WDR33: variants seen among roughly 807,000 people sequenced by gnomAD.
WDR33 encodes the protein pre-mRNA 3' end processing protein WDR33.
In WDR33, 47 loss-of-function variants were observed where a neutral mutation model predicts 164.9. The ratio of observed to expected loss-of-function variants is 0.29; its 90% CI spans 0.23 to 0.36. The LOEUF (loss-of-function observed/expected upper bound fraction) is 0.36. WDR33 is among the 10% of genes least tolerant of loss of function. The pLI, the probability that WDR33 is intolerant of heterozygous loss-of-function variation, is 1.00. For missense variants in WDR33, 1,137 were observed against 1,754.1 expected (o/e 0.65, Z 6.28); for synonymous variants, 505 against 589.0 (o/e 0.86, Z 2.06).
intron 7 of WDR33, among the ~76,000 whole-genome samples, chr2:127,730,942 GA>G (rs58519080): frequency 0.18 from 25,518 of 144,560 alleles, 2,339 homozygotes; most frequent in South Asian, 0.28. Context: ...TAATATGAAG[GA>G]AAAAAAAAAC....
At chr2:127,727,594 G>A (rs775256870) in intron 7 of WDR33, among the ~76,000 whole-genome samples, 6 of 151,966 alleles carry the variant, frequency 3.9e-5, no homozygotes, top group Admixed American at 6.6e-5. Flanking sequence ...GGTTACTTCA[G>A]TAACCACCGT....
At chr2:127,777,092 G>T (rs1256981689) in intron 1 of WDR33, among the ~76,000 whole-genome samples, 1 of 152,184 alleles carries the variant, frequency 6.6e-6, no homozygotes, top group African/African-American at 2.4e-5. Flanking sequence ...GTAGAGAAAA[G>T]ACAAATAATT....
At chr2:127,790,050 T>C (rs28847930) in intron 1 of WDR33, among the ~76,000 whole-genome samples, 21 of 152,204 alleles carry the variant, frequency 1.4e-4, no homozygotes, top group Non-Finnish European at 2.5e-4. Context: ...TTGCCCTGGC[T>C]GGTCTCCATC....
chr2:127,713,611 G>A lies in WDR33; in HGVS notation c.3280C>T (p.Pro1094Ser), dbSNP rs201256336. The change falls in exon 18 of 22, where the codon CCA (proline) becomes TCA (serine). Residue 1094 changes from proline to serine, a missense_variant. This residue lies in a region of WDR33 where 867 missense variants were observed against 1,073.0 expected (regional missense o/e 0.81). Coordinates refer to ENST00000322313, the MANE Select transcript of WDR33 (RefSeq NM_018383.5). The surrounding 1 kb of genome is among the most constrained non-coding windows in gnomAD (Gnocchi z 6.2). ...DERFPRDPED[P>S]RFRGRREESF... ...TCTTCTCTGCGCCCTCGAAAACGTG[G>A]GTCCTCGGGATCCCGGGGGAAACGT... The A allele has an allele frequency of 1.9e-5, 30 of 1,614,134 alleles. No individual in the cohort carries two copies. The highest frequency in any genetic ancestry group is 2.5e-5 in the Non-Finnish European group (30 of 1,180,056).
intron 1 of WDR33, among the ~76,000 whole-genome samples, chr2:127,787,188 C>T (rs1462584693): frequency 3.2e-5 from 3 of 94,958 alleles, no homozygotes; most frequent in Non-Finnish European, 6.1e-5. Flanking sequence ...GGTCACAGAT[C>T]AACAGGATCC....
chr2:127,786,410 C>T lies in WDR33; in HGVS notation c.-23-15406G>A, dbSNP rs931201970. On this transcript the variant is annotated intron_variant, in intron 1 of 21. Transcript: ENST00000322313. ...AGAAATACAATATTTTGGCAGGACA[C>T]GGTGGCTCACGCCTGTATTCTCAAC... Among the ~76,000 whole-genome samples, 5 of 152,198 alleles carry T rather than the reference C, an allele frequency of 3.3e-5. No individual in the cohort carries two copies. In the East Asian group the frequency reaches 5.8e-4, roughly 18 times the overall value.
chr2:127,737,797 T>C, intron 7 of WDR33: 1 of 1,312,580 alleles, frequency 7.6e-7, no homozygotes, highest in Non-Finnish European at 9.7e-7. Flanking sequence ...CACTTTCAGT[T>C]GGCCAGATTA....
rs1013428883 is a variant in WDR33, at chr2:127,701,493, C to G, written c.*4830G>C. The stretch of plus-strand genomic sequence containing the variant: ...GCTTCAGCGGAGGGCCGGAAGTGAG[C>G]CGCAGCTTTTCCTTTCTGCCACCGC... On this transcript the variant is annotated 3_prime_UTR_variant, in exon 22 of 22. Coordinates refer to ENST00000322313, the MANE Select transcript of WDR33 (RefSeq NM_018383.5). 4.7e-6 allele frequency: 6 copies of G among 1,273,434 alleles called. No individual in the cohort carries two copies. The South Asian group carries it at 1.6e-4, about 35-fold the overall frequency. 78.9% of individuals were successfully genotyped at this position (1,273,434 alleles called of 1,614,324 possible). A position where few individuals can be genotyped will look rare whatever the true frequency, so the allele number is the denominator to read the frequency against.
At position 127,719,767 on chromosome 2, in the gene WDR33, G is replaced by C. The variant is rs200450776; in HGVS notation, c.2258C>G (p.Pro753Arg). Residue 753 changes from proline to arginine, a missense_variant, in exon 16 of 22, where the codon CCT becomes CGT. Physicochemically the swap from Pro to Arg is moderately radical, Grantham distance 103. This residue lies in a region of WDR33 where 867 missense variants were observed against 1,073.0 expected (regional missense o/e 0.81). Coordinates refer to ENST00000322313, the MANE Select transcript of WDR33 (RefSeq NM_018383.5). This position sits in a 1 kb window ranked among gnomAD's most constrained non-coding sequence, Gnocchi z 6.5. ...PPGPRGMQGP[P>R]HPHGIQGGPG... ...TCCGCCTTGGATCCCATGAGGATGA[G>C]GAGGCCCTTGCATTCCTCTGGGACC... 3 of 1,613,790 alleles carry C rather than the reference G, an allele frequency of 1.9e-6. No homozygotes were observed. Among genetic ancestry groups the C allele is most frequent in the African/African-American group, 2.7e-5 (2 of 74,928 alleles).
At chr2:127,762,468 C>A in intron 7 of WDR33, 1 of 961,408 alleles carries the variant, frequency 1.0e-6, no homozygotes. Context: ...CTAAAATAAT[C>A]GAAGTGAGAA....
Position 127,719,111 on chromosome 2 carries a change from C to G in WDR33, c.2760+154G>C, listed in dbSNP as rs989879094. Among the ~76,000 whole-genome samples the G allele has an allele frequency of 1.3e-5, 2 of 152,212 alleles. No homozygotes were observed. The highest frequency in any genetic ancestry group is 2.4e-5 in the African/African-American group (1 of 41,464). ...ACCTAACTCATCATTCTTATGATTT[C>G]ATTCTTCAGCCAGGATGCTAGTATC... On this transcript the variant is annotated intron_variant, in intron 16 of 21. Transcript: ENST00000322313. The surrounding 1 kb of genome is among the most constrained non-coding windows in gnomAD (Gnocchi z 6.5).
chr2:127,719,301 A>T lies in WDR33; in HGVS notation c.2724T>A (p.Pro908=). 6.9e-7 allele frequency: 1 copy of T among 1,459,284 alleles called. No homozygotes were observed. The highest frequency in any genetic ancestry group is 9.1e-7 in the Non-Finnish European group (1 of 1,103,902). 90.4% of individuals were successfully genotyped at this position (1,459,284 alleles called of 1,614,324 possible). ...GGGCCCGGGGCCCATCACCTAGCAGAGGCGTTTTCTGTTGCTGGAATGGTA... is the reference window on the plus strand; with the variant it reads ...GGGCCCGGGGCCCATCACCTAGCAGTGGCGTTTTCTGTTGCTGGAATGGTA... The part of the protein sequence containing the change: ...GPIPFQQQKT[P]LLGDGPRAPF... The change falls in exon 16 of 22, where the codon CCT becomes CCA. Residue 908 remains proline, a synonymous_variant. Coordinates refer to ENST00000322313, the MANE Select transcript of WDR33 (RefSeq NM_018383.5). The surrounding 1 kb of genome is among the most constrained non-coding windows in gnomAD (Gnocchi z 6.5).
Position 127,702,248 on chromosome 2 carries a change from G to A in WDR33, c.*4075C>T. ...TCGGAGACCGCGCCGGCCGAGCTGA[G>A]GACTGCACGCCGCTGTGCGGAAGCC... On this transcript the variant is annotated 3_prime_UTR_variant, in exon 22 of 22. Transcript: ENST00000322313. The A allele has an allele frequency of 8.6e-7, 1 of 1,168,262 alleles. No individual in the cohort carries two copies. Among genetic ancestry groups the A allele is most frequent in the Non-Finnish European group, 1.1e-6 (1 of 936,524 alleles). The allele number at this position is 1,168,262 out of a possible 1,614,324, so 72.4% of individuals were successfully genotyped here. A position where few individuals can be genotyped will look rare whatever the true frequency, so the allele number is the denominator to read the frequency against.
chr2:127,751,911 C>G (rs143016292), intron 7 of WDR33, among the ~76,000 whole-genome samples: 1 of 152,182 alleles, frequency 6.6e-6, no homozygotes, highest in Non-Finnish European at 1.5e-5. Flanking sequence ...ACAAACTACA[C>G]GGAAGACTCT....
At chr2:127,794,172 GAC>G (rs1243218959) in intron 1 of WDR33, among the ~76,000 whole-genome samples, 1 of 136,006 alleles carries the variant, frequency 7.4e-6, no homozygotes, top group African/African-American at 2.8e-5. Flanking sequence ...CAGAAAGACA[GAC>G]AGAGACAAGA....
At chr2:127,707,066 TC>T (rs1279312546) in intron 21 of WDR33, among the ~76,000 whole-genome samples, 1 of 151,930 alleles carries the variant, frequency 6.6e-6, no homozygotes, top group African/African-American at 2.4e-5. Context: ...ATAAAGTATT[TC>T]TTGAAAAAAC....
At chr2:127,787,511 G>C (rs1233549271) in intron 1 of WDR33, among the ~76,000 whole-genome samples, 1 of 133,542 alleles carries the variant, frequency 7.5e-6, no homozygotes, top group African/African-American at 3.1e-5. Flanking sequence ...CTCCCTCCCG[G>C]ACGGGGCGGC....
intron 1 of WDR33, among the ~76,000 whole-genome samples, chr2:127,786,844 C>CTTT (rs71307273): frequency 0.025 from 2,751 of 111,594 alleles, 91 homozygotes; most frequent in East Asian, 0.15. Context: ...CCTTTCTGTT[C>CTTT]TTTTTTTTTT....
In WDR33 at chr2:127,811,093, C is replaced by G. The variant is rs543801152; in HGVS notation, c.-105G>C. 6.5e-6 allele frequency: 1 copy of G among 152,732 alleles called. No homozygotes were observed. The highest frequency in any genetic ancestry group is 2.4e-5 in the African/African-American group (1 of 41,474). The allele number at this position is 152,732 out of a possible 1,614,324, so 9.5% of individuals were successfully genotyped here. A position where few individuals can be genotyped will look rare whatever the true frequency, so the allele number is the denominator to read the frequency against. ...AGAAATGTCTCTCTTGTTTGGTCTC[C>G]CCACCCCGATCCTCTCAATCCCGCT... is the stretch of plus-strand genomic sequence containing the variant. On this transcript the variant is annotated 5_prime_UTR_variant, in exon 1 of 22. Coordinates refer to ENST00000322313, the MANE Select transcript of WDR33 (RefSeq NM_018383.5). The surrounding 1 kb of genome is among the most constrained non-coding windows in gnomAD (Gnocchi z 4.1).
Sources: gnomAD v4.1 joint callset for allele counts (sites outside exome capture counted in the v4.1 genomes callset) on GRCh38, gnomAD v4.1.1 for gene constraint, gnomAD v4.1.1 regional missense constraint, Gnocchi (gnomAD v3.1) non-coding constraint, MANE v1.5 for transcripts, NCBI Gene and HGNC (gene_info 2026-07-23, HGNC 2026-07-21) for gene names.